Variants in PPP2R5A observed in about 807,000 individuals in gnomAD.
PPP2R5A encodes the protein protein phosphatase 2 regulatory subunit B'alpha.
PPP2R5A carries 25 observed loss-of-function variants against 64.2 expected under a neutral mutation model. The observed-to-expected ratio is 0.39, with a 90% CI of 0.28 to 0.54. The LOEUF is 0.54. PPP2R5A is among the 20% of genes least tolerant of loss of function. PPP2R5A has a pLI of 0.67. For missense variants in PPP2R5A, 425 were observed against 576.3 expected, an observed-to-expected ratio of 0.74 and a Z score of 2.69; for synonymous variants, 198 against 201.2, an observed-to-expected ratio of 0.98 and a Z score of 0.13.
rs1257626382 is a variant in PPP2R5A at position 212,354,951 on chromosome 1, A to G, written c.928-1675A>G. Reference sequence around the variant, plus strand: ...ATACAGCCTAGGTGTGTAGTAGGCCATACCATCTAGGTTTAAGTACACCCT... The same window carrying G: ...ATACAGCCTAGGTGTGTAGTAGGCCGTACCATCTAGGTTTAAGTACACCCT... On this transcript the variant is annotated intron_variant, in intron 8 of 12. Coordinates refer to ENST00000261461, the MANE Select transcript of PPP2R5A (RefSeq NM_006243.4). Among the ~76,000 whole-genome samples, 8 of 152,354 alleles carry G rather than the reference A, an allele frequency of 5.3e-5. No individual in the cohort carries two copies. In the East Asian group the frequency reaches 1.5e-3, roughly 29 times the overall value.
At position 212,329,939 on chromosome 1, in the gene PPP2R5A, CG is replaced by C. The variant is rs1571597850; in HGVS notation, c.378+610del. Among the ~76,000 whole-genome samples, 4 of 152,278 alleles carry C rather than the reference CG, an allele frequency of 2.6e-5. No individual in the cohort carries two copies. The East Asian group carries it at 7.7e-4, about 29-fold the overall frequency. On this transcript the variant is annotated intron_variant, in intron 2 of 12. Coordinates refer to ENST00000261461, the MANE Select transcript of PPP2R5A (RefSeq NM_006243.4). ...GATTATAGGCGTGAGCCACCGCACC[CG>C]GCCATTACTAAGAACTTGTAAAGGG...
intron 1 of PPP2R5A, among the ~76,000 whole-genome samples, chr1:212,312,307 C>T (rs1571584820): frequency 1.3e-5 from 2 of 152,194 alleles, no homozygotes; most frequent in African/African-American, 4.8e-5. Flanking sequence ...CCTGAGGATG[C>T]ATTCTCAGAA....
chr1:212,344,733 C>CT (rs1659744064), intron 4 of PPP2R5A, among the ~76,000 whole-genome samples: 1 of 152,050 alleles, frequency 6.6e-6, no homozygotes, highest in African/African-American at 2.4e-5. Context: ...TTGACTTTAA[C>CT]TTTTTCTAAA....
chr1:212,296,749 A>G (rs1325191066), intron 1 of PPP2R5A, among the ~76,000 whole-genome samples: 1 of 152,238 alleles, frequency 6.6e-6, no homozygotes, highest in Non-Finnish European at 1.5e-5. Flanking sequence ...TGAAAGAATG[A>G]AGCAAAAGCT....
intron 2 of PPP2R5A, among the ~76,000 whole-genome samples, chr1:212,330,584 T>C (rs1659486502): frequency 6.6e-6 from 1 of 151,762 alleles, no homozygotes; most frequent in Non-Finnish European, 1.5e-5. Context: ...TTGGACTAAT[T>C]AGAGAGTCGC....
At chr1:212,304,184 C>T (rs1055739488) in intron 1 of PPP2R5A, among the ~76,000 whole-genome samples, 1 of 152,166 alleles carries the variant, frequency 6.6e-6, no homozygotes, top group Non-Finnish European at 1.5e-5. Flanking sequence ...TTCTTTGACA[C>T]ATTAGTTGTT....
chr1:212,357,102 A>C, intron 10 of PPP2R5A, 33 bp downstream of exon 10: 1 of 1,588,382 alleles, frequency 6.3e-7, no homozygotes. Context: ...TTTACTTTAC[A>C]CTAGTATTTC....
intron 12 of PPP2R5A, 151 bp downstream of exon 12, chr1:212,358,938 A>T: frequency 1.9e-6 from 1 of 524,224 alleles, no homozygotes; most frequent in South Asian, 3.0e-5. Context: ...AAGTCTCTTA[A>T]CATATAAGTC....
At chr1:212,333,911 T>A (rs1659549476) in intron 3 of PPP2R5A, 1 of 192,208 alleles carries the variant, frequency 5.2e-6, no homozygotes, top group Non-Finnish European at 1.1e-5. Context: ...GGAAACCCCA[T>A]TGGCATTTAG....
chr1:212,309,578 T>G lies in PPP2R5A; in HGVS notation c.182-19557T>G, dbSNP rs1658988612. 5 of 692,380 alleles carry G rather than the reference T, an allele frequency of 7.2e-6. No homozygotes were observed. In the Admixed American group the frequency reaches 1.1e-4, roughly 16 times the overall value. The allele number at this position is 692,380 out of a possible 1,614,324, so 42.9% of individuals were successfully genotyped here. A position where few individuals can be genotyped will look rare whatever the true frequency, so the allele number is the denominator to read the frequency against. On this transcript the variant is annotated intron_variant, in intron 1 of 12. Coordinates refer to ENST00000261461, the MANE Select transcript of PPP2R5A (RefSeq NM_006243.4). ...AGTTTAGTTCTTTGAACATATATAA[T>G]GACTACTTTAAAGTCATATATTCTG...
chr1:212,301,951 T>C, intron 1 of PPP2R5A: 1 of 1,346,764 alleles, frequency 7.4e-7, no homozygotes, highest in Admixed American at 3.1e-5. Flanking sequence ...TAGAAATGAT[T>C]CCTGCTACTT....
chr1:212,307,409 T>C (rs1309548349), intron 1 of PPP2R5A, among the ~76,000 whole-genome samples: 2 of 152,116 alleles, frequency 1.3e-5, no homozygotes, highest in African/African-American at 2.4e-5. Context: ...TTTTGTGATA[T>C]TAGTGTTATA....
intron 8 of PPP2R5A, among the ~76,000 whole-genome samples, chr1:212,354,574 C>T (rs1252089579): frequency 6.6e-6 from 1 of 151,848 alleles, no homozygotes; most frequent in African/African-American, 2.4e-5. Context: ...GTCCCAGCTA[C>T]TTGGGAGGCT....
intron 3 of PPP2R5A, among the ~76,000 whole-genome samples, chr1:212,335,776 T>C (rs1659584333): frequency 6.6e-6 from 1 of 152,338 alleles, no homozygotes; most frequent in Non-Finnish European, 1.5e-5. Context: ...TTAATAATGC[T>C]GTATATGAAA....
chr1:212,327,621 C>CT (rs1659429039), intron 1 of PPP2R5A, among the ~76,000 whole-genome samples: 1 of 151,914 alleles, frequency 6.6e-6, no homozygotes, highest in African/African-American at 2.4e-5. Context: ...CACCATTTGG[C>CT]TAGGCTGGTC....
intron 1 of PPP2R5A, among the ~76,000 whole-genome samples, chr1:212,307,547 CA>C (rs1181679283): frequency 1.6e-4 from 24 of 152,120 alleles, no homozygotes; most frequent in Non-Finnish European, 2.5e-4. Context: ...TTAGCAAATA[CA>C]TTACATTTCT....
At chr1:212,333,783 C>T (rs1045459158) in intron 3 of PPP2R5A, among the ~76,000 whole-genome samples, 185 bp downstream of exon 3, 2 of 152,176 alleles carry the variant, frequency 1.3e-5, no homozygotes, top group Non-Finnish European at 2.9e-5. Context: ...ATACACTTAA[C>T]ATATATTTAC....
At chr1:212,305,326 G>GC (rs1430518337) in intron 1 of PPP2R5A, among the ~76,000 whole-genome samples, 2 of 152,140 alleles carry the variant, frequency 1.3e-5, no homozygotes, top group East Asian at 3.9e-4. Flanking sequence ...CCCGGCTCCA[G>GC]CCCCCAATTT....
At chr1:212,328,149 A>G (rs756260250) in intron 1 of PPP2R5A, among the ~76,000 whole-genome samples, 5 of 152,214 alleles carry the variant, frequency 3.3e-5, no homozygotes, top group African/African-American at 4.8e-5. Flanking sequence ...GGTGCTGAGT[A>G]TGTAAAATAT....
Sources: allele counts gnomAD v4.1 joint callset (sites outside exome capture counted in the v4.1 genomes callset), GRCh38; gene constraint gnomAD v4.1.1; transcripts MANE v1.5; gene names NCBI Gene and HGNC (gene_info 2026-07-23, HGNC 2026-07-21).